The following SND1 variants were observed in gnomAD, a reference collection of about 807,000 sequenced individuals.
The protein encoded by SND1 is staphylococcal nuclease domain-containing protein 1.
Under a neutral mutation model 121.7 loss-of-function variants are expected in SND1, and 38 were observed. The ratio of observed to expected loss-of-function variants is 0.31; its 90% confidence interval spans 0.24 to 0.41. The LOEUF is 0.41. Among genes scored for constraint, SND1 ranks in the 10% least tolerant of loss-of-function variants. The pLI is 1.00. For missense variants in SND1, 868 were observed against 1,184.6 expected (o/e 0.73, Z 3.92); for synonymous variants, 401 against 447.4 (o/e 0.90, Z 1.31).
intron 14 of SND1, chr7:127,928,037 T>TA: frequency 6.6e-6 from 1 of 152,312 alleles, no homozygotes; most frequent in Non-Finnish European, 1.5e-5. Flanking sequence ...GATGCTCACT[T>TA]ACTCTATCAC....
chr7:127,930,188 A>G (rs1000558162), intron 15 of SND1, among the ~76,000 whole-genome samples: 1 of 150,758 alleles, frequency 6.6e-6, no homozygotes, highest in African/African-American at 2.4e-5. Context: ...TGCAAAAGAC[A>G]TATCCCGCCG....
chr7:127,653,278 T>C (rs1795154396), intron 1 of SND1, among the ~76,000 whole-genome samples: 1 of 152,232 alleles, frequency 6.6e-6, no homozygotes, highest in South Asian at 2.1e-4. Flanking sequence ...AGCTCCATGA[T>C]AATTTGATAA....
intron 14 of SND1, among the ~76,000 whole-genome samples, chr7:127,908,837 G>A (rs1019489348): frequency 6.6e-5 from 10 of 152,030 alleles, no homozygotes; most frequent in Admixed American, 2.0e-4. Context: ...AGCCTGCTCC[G>A]TAATAAATAC....
At chr7:127,864,095 A>G (rs557083037) in intron 12 of SND1, among the ~76,000 whole-genome samples, 1 of 152,114 alleles carries the variant, frequency 6.6e-6, no homozygotes, top group Non-Finnish European at 1.5e-5. Flanking sequence ...TGATGTATAA[A>G]TGTTATAAAT....
At chr7:127,832,867 T>C (rs190307590) in intron 11 of SND1, among the ~76,000 whole-genome samples, 1 of 152,298 alleles carries the variant, frequency 6.6e-6, no homozygotes, top group African/African-American at 2.4e-5. Context: ...TAGATTCTCA[T>C]AGAAGTGCAA....
chr7:127,772,414 G>T (rs186151580), intron 10 of SND1, among the ~76,000 whole-genome samples: 5 of 152,034 alleles, frequency 3.3e-5, no homozygotes, highest in African/African-American at 1.2e-4. Context: ...GCTTCTTTGC[G>T]ATCTTTAAAA....
At chr7:127,852,887 G>A (rs1405596162) in intron 12 of SND1, among the ~76,000 whole-genome samples, 1 of 151,844 alleles carries the variant, frequency 6.6e-6, no homozygotes, top group Non-Finnish European at 1.5e-5. Context: ...ATTAAATGTT[G>A]CCTTTATTTT....
chr7:127,797,249 G>T (rs888527742), intron 10 of SND1, among the ~76,000 whole-genome samples: 1 of 152,194 alleles, frequency 6.6e-6, no homozygotes, highest in African/African-American at 2.4e-5. Flanking sequence ...GAGGCCAGTA[G>T]GTTGGGCCAC....
intron 16 of SND1, among the ~76,000 whole-genome samples, chr7:128,066,908 G>A (rs1405562201): frequency 2.0e-5 from 3 of 152,184 alleles, no homozygotes; most frequent in Non-Finnish European, 2.9e-5. Context: ...CTGCAGCCAG[G>A]ATGAGTGGGT....
intron 1 of SND1, among the ~76,000 whole-genome samples, chr7:127,672,479 A>T (rs1019936961): frequency 4.6e-5 from 7 of 152,128 alleles, no homozygotes; most frequent in Admixed American, 3.3e-4. Flanking sequence ...GCATGGTGGC[A>T]TGTGCCTGTA....
intron 12 of SND1, among the ~76,000 whole-genome samples, chr7:127,885,668 C>T (rs1316485867): frequency 6.6e-6 from 1 of 152,070 alleles, no homozygotes; most frequent in African/African-American, 2.4e-5. Flanking sequence ...ATTTGAGCAG[C>T]ATTAACTGGG....
At chr7:127,858,038 C>T (rs983729768) in intron 12 of SND1, 30 of 1,407,962 alleles carry the variant, frequency 2.1e-5, no homozygotes, top group Non-Finnish European at 2.5e-5. Context: ...ATCACATCCA[C>T]CAGACCATCT....
In SND1 at chr7:127,812,142, G is replaced by T. The variant is rs1220641221; in HGVS notation, c.1242+4569G>T. On this transcript the variant is annotated intron_variant, in intron 11 of 23. Coordinates refer to ENST00000354725, the MANE Select transcript of SND1 (RefSeq NM_014390.4). Reference sequence around the variant, plus strand: ...CTTTTAATTGCTATGCTGAATTAAAGACTTTTAGAAATGTTTACTTCTCTG... The same window carrying T: ...CTTTTAATTGCTATGCTGAATTAAATACTTTTAGAAATGTTTACTTCTCTG... 2.0e-5 allele frequency among the ~76,000 whole-genome samples: 3 copies of T among 152,196 alleles called. No homozygotes were observed. The East Asian group carries it at 5.8e-4, about 29-fold the overall frequency.
intron 15 of SND1, among the ~76,000 whole-genome samples, chr7:127,980,682 C>T (rs1234840363): frequency 6.6e-6 from 1 of 152,200 alleles, no homozygotes; most frequent in African/African-American, 2.4e-5. Context: ...ACACTCCACA[C>T]ATCTCAGAAC....
intron 14 of SND1, among the ~76,000 whole-genome samples, chr7:127,927,413 A>G (rs1341966347): frequency 6.6e-6 from 1 of 152,236 alleles, no homozygotes; most frequent in East Asian, 1.9e-4. Context: ...TCCCAGATTT[A>G]GACTAGTATG....
intron 10 of SND1, among the ~76,000 whole-genome samples, chr7:127,782,895 C>G (rs1350340410): frequency 6.6e-6 from 1 of 152,100 alleles, no homozygotes; most frequent in East Asian, 1.9e-4. Context: ...CTACAACTGC[C>G]CAGCAAGTGA....
intron 9 of SND1, among the ~76,000 whole-genome samples, chr7:127,716,405 G>A (rs1421810661): frequency 1.3e-5 from 2 of 150,648 alleles, no homozygotes; most frequent in East Asian, 3.9e-4. Context: ...AGTTTTCTTT[G>A]TACAAGTTTT....
At position 127,681,424 on chromosome 7, in the gene SND1, T is replaced by G. The variant is rs569186735; in HGVS notation, c.79-5189T>G. Among the ~76,000 whole-genome samples the G allele has an allele frequency of 3.3e-5, 5 of 152,348 alleles. No individual in the cohort carries two copies. The East Asian group carries it at 7.7e-4, about 24-fold the overall frequency. On this transcript the variant is annotated intron_variant, in intron 1 of 23. Transcript: ENST00000354725. ...GAGATAAGAGTCTAGTATTCAGAATTTGCATATACTCATATTTTTTTCTTT... is the reference window on the plus strand; with the variant it reads ...GAGATAAGAGTCTAGTATTCAGAATGTGCATATACTCATATTTTTTTCTTT...
chr7:128,030,356 G>A (rs1260274574), intron 16 of SND1: 1 of 1,613,948 alleles, frequency 6.2e-7, no homozygotes, highest in African/African-American at 1.3e-5. Flanking sequence ...GGAGGTGGCG[G>A]AAGGTGTCGG....
Sources: allele counts gnomAD v4.1 joint callset (sites outside exome capture counted in the v4.1 genomes callset), GRCh38; gene constraint gnomAD v4.1.1; transcripts MANE v1.5; gene names NCBI Gene and HGNC (gene_info 2026-07-23, HGNC 2026-07-21).